The following NEDD4 variants were observed in gnomAD, a reference collection of about 807,000 sequenced individuals.
NEDD4 encodes NEDD4 E3 ubiquitin protein ligase, also known as E3 ubiquitin-protein ligase NEDD4.
NEDD4 carries 99 observed loss-of-function variants against 144.9 expected under a neutral mutation model. The observed-to-expected ratio is 0.68, with a 90% CI of 0.58 to 0.81. The LOEUF (loss-of-function observed/expected upper bound fraction) is 0.81, where lower values mean the gene tolerates loss of function less well. Ranked by LOEUF, NEDD4 falls within the 30% of genes least tolerant of loss-of-function variation. The pLI is 0.00. For synonymous variants in NEDD4, 318 were observed against 350.6 expected (o/e 0.91, Z 1.04); for missense variants, 985 against 1,065.9 (o/e 0.92, Z 1.06).
intron 1 of NEDD4, among the ~76,000 whole-genome samples, chr15:55,978,023 T>C (rs2037734792): frequency 6.6e-6 from 1 of 152,200 alleles, no homozygotes; most frequent in Non-Finnish European, 1.5e-5. Context: ...TTTTTCTAAG[T>C]TCAGGTAGCA....
At chr15:55,897,219 C>T (rs1264558721) in intron 5 of NEDD4, among the ~76,000 whole-genome samples, 2 of 152,104 alleles carry the variant, frequency 1.3e-5, no homozygotes, top group African/African-American at 2.4e-5. Context: ...GTGATCCGCC[C>T]GCCTCGGCCT....
intron 5 of NEDD4, among the ~76,000 whole-genome samples, chr15:55,885,253 C>A (rs1310933797): frequency 6.6e-6 from 1 of 152,052 alleles, no homozygotes; most frequent in Non-Finnish European, 1.5e-5. Context: ...ACAAACAAAA[C>A]CTGAGGGATT....
rs554192080 is a variant in NEDD4, at chr15:55,891,653, A to T, written c.292-17645T>A. Among the ~76,000 whole-genome samples, 40 of 152,350 alleles carry T rather than the reference A, an allele frequency of 2.6e-4. 1 individual carries two copies. In the South Asian group the frequency reaches 8.3e-3, roughly 32 times the overall value. On this transcript the variant is annotated intron_variant, in intron 5 of 28. Transcript: ENST00000435532. ...AGAACACCAGGTGATTTTAAACAGG[A>T]CTATCTGCAATGGGCACAGTTTAGT... is the stretch of plus-strand genomic sequence containing the variant.
At chr15:55,953,067 G>A (rs1196779120) in intron 2 of NEDD4, among the ~76,000 whole-genome samples, 1 of 150,400 alleles carries the variant, frequency 6.6e-6, no homozygotes, top group African/African-American at 2.5e-5. Context: ...TTGGCTCACT[G>A]CAACCTCTGC....
intron 2 of NEDD4, among the ~76,000 whole-genome samples, chr15:55,959,524 A>T (rs2037392700): frequency 6.6e-6 from 1 of 152,202 alleles, no homozygotes; most frequent in Non-Finnish European, 1.5e-5. Context: ...AGCTCCTATT[A>T]TCCCCACCTC....
intron 5 of NEDD4, among the ~76,000 whole-genome samples, chr15:55,899,763 T>A (rs1397411371): frequency 6.6e-6 from 1 of 152,212 alleles, no homozygotes; most frequent in Non-Finnish European, 1.5e-5. Flanking sequence ...AAATGTTCTG[T>A]ACTACTGCTG....
chr15:55,947,713 T>C (rs1397549438), intron 4 of NEDD4, among the ~76,000 whole-genome samples: 1 of 152,158 alleles, frequency 6.6e-6, no homozygotes, highest in African/African-American at 2.4e-5. Context: ...TATGATTATC[T>C]CAATAGATGC....
At chr15:55,924,076 G>T (rs1296481528) in intron 5 of NEDD4, among the ~76,000 whole-genome samples, 3 of 152,142 alleles carry the variant, frequency 2.0e-5, no homozygotes, top group Admixed American at 6.6e-5. Flanking sequence ...TCAGAAATCA[G>T]AACAATCATT....
At chr15:55,919,363 A>C (rs2036527513) in intron 5 of NEDD4, among the ~76,000 whole-genome samples, 2 of 152,216 alleles carry the variant, frequency 1.3e-5, no homozygotes, top group African/African-American at 2.4e-5. Flanking sequence ...CAGGTGGACA[A>C]GAAAGAATGA....
At chr15:55,831,894 A>G (rs1157157662) in intron 27 of NEDD4, among the ~76,000 whole-genome samples, 8 of 152,186 alleles carry the variant, frequency 5.3e-5, no homozygotes, top group African/African-American at 1.9e-4. Context: ...TTATTCTTGG[A>G]TTCTTGGTTT....
intron 2 of NEDD4, among the ~76,000 whole-genome samples, chr15:55,960,586 C>T (rs751779057): frequency 2.7e-4 from 41 of 152,148 alleles, no homozygotes; most frequent in Non-Finnish European, 4.1e-4. Flanking sequence ...TTCCTTGCTC[C>T]GCAGCTTGCA....
chr15:55,838,607 A>C lies in NEDD4; in HGVS notation c.2032-3T>G. 1 of 1,591,094 alleles carries C rather than the reference A, an allele frequency of 6.3e-7. No homozygotes were observed. Among genetic ancestry groups the C allele is most frequent in the Non-Finnish European group, 8.6e-7 (1 of 1,160,776 alleles). ...AGGGAATTGTAATATTCACTATCCT[A>C]GATGGGAAAAATTACATATTTAAAA... On this transcript the variant is annotated splice_polypyrimidine_tract_variant and splice_region_variant and intron_variant, in intron 21 of 28. Transcript: ENST00000435532.
rs975902285 is a variant in NEDD4 at position 55,894,066 on chromosome 15, T to C, written c.292-20058A>G. On this transcript the variant is annotated intron_variant, in intron 5 of 28. Transcript: ENST00000435532. ...CAATTTAATCTGTGCTATAAAATCA[T>C]AGTGCTTTGGAAACTGGATATCTTT... Among the ~76,000 whole-genome samples the C allele has an allele frequency of 5.9e-5, 9 of 152,102 alleles. No individual in the cohort carries two copies. The East Asian group carries it at 1.4e-3, about 23-fold the overall frequency.
At chr15:55,953,446 T>C (rs890040689) in intron 2 of NEDD4, among the ~76,000 whole-genome samples, 85 of 151,844 alleles carry the variant, frequency 5.6e-4, no homozygotes, top group Admixed American at 2.0e-3. Context: ...ATCTTCTTTT[T>C]TGTTTTTTTT....
chr15:55,915,137 C>T, intron 5 of NEDD4: 1 of 611,808 alleles, frequency 1.6e-6, no homozygotes, highest in Non-Finnish European at 2.6e-6. Context: ...TTCAGATTTA[C>T]AAATATAAAA....
At chr15:55,929,282 C>T (rs572849282) in intron 4 of NEDD4, among the ~76,000 whole-genome samples, 6 of 152,238 alleles carry the variant, frequency 3.9e-5, no homozygotes, top group Admixed American at 2.6e-4. Flanking sequence ...CTCTTTATGT[C>T]TGATTTCAGG....
At chr15:55,847,060 A>T (rs1209815842) in intron 17 of NEDD4, 26 bp from the exon 18 acceptor site, 1 of 1,518,458 alleles carries the variant, frequency 6.6e-7, no homozygotes, top group African/African-American at 1.4e-5. Flanking sequence ...TTGGAAAAAT[A>T]AAGAAGTTTA....
intron 9 of NEDD4, among the ~76,000 whole-genome samples, chr15:55,861,019 A>C (rs1595761869): frequency 6.6e-6 from 1 of 152,348 alleles, no homozygotes; most frequent in East Asian, 1.9e-4. Flanking sequence ...TTGATATTTT[A>C]GTTTGTCACT....
intron 24 of NEDD4, among the ~76,000 whole-genome samples, chr15:55,836,682 C>G (rs141211068): frequency 1.3e-5 from 2 of 152,042 alleles, no homozygotes; most frequent in African/African-American, 4.8e-5. Context: ...CACGCCACCA[C>G]GTCCGGCTAA....
Sources: allele counts gnomAD v4.1 joint callset (sites outside exome capture counted in the v4.1 genomes callset), GRCh38; gene constraint gnomAD v4.1.1; transcripts MANE v1.5; gene names NCBI Gene and HGNC (gene_info 2026-07-23, HGNC 2026-07-21).